TCF7L2: variants seen among roughly 807,000 people sequenced by gnomAD.
TCF7L2 encodes the protein transcription factor 7 like 2, also known as transcription factor 7-like 2.
A neutral mutation model predicts 77.9 loss-of-function variants in TCF7L2; 23 were observed. The ratio of observed to expected loss-of-function variants is 0.30; its 90% CI spans 0.21 to 0.42. The LOEUF (loss-of-function observed/expected upper bound fraction) is 0.42, where lower values mean the gene tolerates loss of function less well. TCF7L2 is among the 10% of genes least tolerant of loss of function. The pLI is 1.00. For missense variants in TCF7L2, 654 were observed against 793.1 expected (o/e 0.82, Z 2.11); for synonymous variants, 413 against 340.2 (o/e 1.21, Z -2.36).
chr10:113,133,599 G>A (rs953961114), intron 5 of TCF7L2, among the ~76,000 whole-genome samples: 1 of 152,210 alleles, frequency 6.6e-6, no homozygotes, highest in Non-Finnish European at 1.5e-5. Flanking sequence ...ATGTGTGTGA[G>A]AGAATTTGGA....
At chr10:113,043,112 T>C (rs1564818789) in intron 5 of TCF7L2, among the ~76,000 whole-genome samples, 1 of 152,254 alleles carries the variant, frequency 6.6e-6, no homozygotes, top group Non-Finnish European at 1.5e-5. Flanking sequence ...GCCAAGCTAT[T>C]TCATAATTAT....
chr10:113,005,484 G>C (rs2045376110), intron 4 of TCF7L2, among the ~76,000 whole-genome samples: 2 of 152,162 alleles, frequency 1.3e-5, no homozygotes, highest in Non-Finnish European at 2.9e-5. Context: ...GACCTGCTGG[G>C]CTCAGCTCTG....
intron 4 of TCF7L2, among the ~76,000 whole-genome samples, chr10:113,014,956 G>A (rs1209782266): frequency 1.3e-5 from 2 of 152,176 alleles, no homozygotes; most frequent in Admixed American, 1.3e-4. Context: ...GGGAGGCCGA[G>A]GCAGGTGGTC....
chr10:113,008,204 A>C (rs2133530490), intron 4 of TCF7L2, among the ~76,000 whole-genome samples: 1 of 152,206 alleles, frequency 6.6e-6, no homozygotes, highest in Non-Finnish European at 1.5e-5. Flanking sequence ...AGGTTTTCAA[A>C]CCCATTTTGG....
chr10:113,050,228 G>A (rs563122916), intron 5 of TCF7L2, among the ~76,000 whole-genome samples: 6 of 152,182 alleles, frequency 3.9e-5, no homozygotes, highest in Non-Finnish European at 4.4e-5. Flanking sequence ...TTCCTGCTCT[G>A]AGGGCACAAG....
intron 4 of TCF7L2, among the ~76,000 whole-genome samples, chr10:112,996,134 G>A (rs1171019059): frequency 1.3e-5 from 2 of 152,164 alleles, no homozygotes; most frequent in Non-Finnish European, 2.9e-5. Flanking sequence ...GAAGAGGCCA[G>A]CTAGGGGTGC....
Position 113,088,688 on chromosome 10 carries a change from G to A in TCF7L2, c.552+48562G>A, listed in dbSNP as rs149626649. Among the ~76,000 whole-genome samples, 259 of 152,276 alleles carry A rather than the reference G, an allele frequency of 1.7e-3. 1 individual carries two copies. Among genetic ancestry groups the A allele is most frequent in the African/African-American group, 5.9e-3 (247 of 41,550 alleles). On this transcript the variant is annotated intron_variant, in intron 5 of 13. Coordinates refer to ENST00000627217, the MANE Select transcript of TCF7L2 (RefSeq NM_001146274.2). Reference sequence around the variant, plus strand: ...TGAAGACAGATCAGCCAGACATGGTGCCGCTTGCCTGAGATCTCAACACTT... The same window carrying A: ...TGAAGACAGATCAGCCAGACATGGTACCGCTTGCCTGAGATCTCAACACTT...
intron 4 of TCF7L2, among the ~76,000 whole-genome samples, chr10:112,972,350 G>A (rs142758312): frequency 7.9e-5 from 12 of 152,350 alleles, no homozygotes; most frequent in African/African-American, 2.6e-4. Context: ...TTATGGAAGA[G>A]TAGCTTGGAC....
chr10:112,969,542 C>G (rs2037771162), intron 4 of TCF7L2, among the ~76,000 whole-genome samples: 3 of 152,220 alleles, frequency 2.0e-5, no homozygotes, highest in African/African-American at 7.2e-5. Context: ...TGTGTTTAGT[C>G]TTGCACTGAC....
intron 1 of TCF7L2, 28 bp from the exon 2 acceptor site, chr10:112,951,178 GC>G: frequency 6.5e-7 from 1 of 1,544,656 alleles, no homozygotes; most frequent in Admixed American, 2.0e-5. Context: ...TTTGCCCCTC[GC>G]CCTCCCCACC....
intron 5 of TCF7L2, among the ~76,000 whole-genome samples, chr10:113,053,176 G>A (rs753165836): frequency 3.3e-5 from 5 of 152,160 alleles, no homozygotes; most frequent in South Asian, 2.1e-4. Context: ...GTGTTTGGAC[G>A]TCTGTGTGGA....
At chr10:113,029,880 G>A (rs753122050) in intron 4 of TCF7L2, among the ~76,000 whole-genome samples, 2 of 152,082 alleles carry the variant, frequency 1.3e-5, no homozygotes, top group Non-Finnish European at 1.5e-5. Context: ...CAAAGATGGT[G>A]CCTGACTCTT....
chr10:113,165,055 A>G (rs2073876782), intron 13 of TCF7L2, among the ~76,000 whole-genome samples: 1 of 152,108 alleles, frequency 6.6e-6, no homozygotes, highest in Non-Finnish European at 1.5e-5. Context: ...AAACACACAC[A>G]CACTCACACT....
chr10:112,969,021 C>T (rs1055266318), intron 4 of TCF7L2, among the ~76,000 whole-genome samples: 1 of 152,046 alleles, frequency 6.6e-6, no homozygotes, highest in South Asian at 2.1e-4. Flanking sequence ...TGTTGTGTCT[C>T]AGTAAAACTT....
chr10:113,084,322 A>G (rs534283720), intron 5 of TCF7L2, among the ~76,000 whole-genome samples: 2 of 152,308 alleles, frequency 1.3e-5, no homozygotes, highest in East Asian at 3.9e-4. Flanking sequence ...GGTAGAACTG[A>G]TGGTGTAATT....
At position 113,085,258 on chromosome 10, in the gene TCF7L2, C is replaced by T. The variant is rs543911434; in HGVS notation, c.552+45132C>T. 2.3e-4 allele frequency among the ~76,000 whole-genome samples: 34 copies of T among 149,842 alleles called. No homozygotes were observed. The East Asian group carries it at 4.6e-3, about 20-fold the overall frequency. On this transcript the variant is annotated intron_variant, in intron 5 of 13. Coordinates refer to ENST00000627217, the MANE Select transcript of TCF7L2 (RefSeq NM_001146274.2). ...TTTTTTTTTTAATTTTTAGTAGAGA[C>T]GAGGTCTTGCTATGTTGCCCAGTCT...
intron 5 of TCF7L2, among the ~76,000 whole-genome samples, chr10:113,048,493 A>C (rs1042514156): frequency 2.0e-5 from 3 of 152,174 alleles, no homozygotes; most frequent in African/African-American, 7.2e-5. Context: ...GTTTGGAATG[A>C]GTGTGACTTC....
At chr10:113,070,415 T>C (rs1229748471) in intron 5 of TCF7L2, among the ~76,000 whole-genome samples, 1 of 152,006 alleles carries the variant, frequency 6.6e-6, no homozygotes, top group East Asian at 1.9e-4. Context: ...AATAAATGTT[T>C]GGGGACACCA....
chr10:113,035,160 T>C (rs536636577), intron 4 of TCF7L2, among the ~76,000 whole-genome samples: 2 of 152,312 alleles, frequency 1.3e-5, no homozygotes, highest in East Asian at 1.9e-4. Context: ...TTAGACCTTG[T>C]GATGGGGGCC....
Sources: allele counts gnomAD v4.1 joint callset (sites outside exome capture counted in the v4.1 genomes callset), GRCh38; gene constraint gnomAD v4.1.1; transcripts MANE v1.5; gene names NCBI Gene and HGNC (gene_info 2026-07-23, HGNC 2026-07-21).